The following RBFOX1 variants were observed in gnomAD, a reference collection of about 807,000 sequenced individuals.
The protein encoded by RBFOX1 is RNA binding protein fox-1 homolog 1.
RBFOX1 carries 8 observed loss-of-function variants against 57.7 expected under a neutral mutation model. The ratio of observed to expected loss-of-function variants is 0.14; its 90% CI spans 0.08 to 0.25. The LOEUF is 0.25. Among genes scored for constraint, RBFOX1 ranks in the 10% least tolerant of loss-of-function variants. The pLI is 1.00. For missense variants in RBFOX1, 611 were observed against 548.5 expected (o/e 1.11, Z -1.14); for synonymous variants, 326 against 222.4 (o/e 1.47, Z -4.15).
chr16:7,170,834 C>A (rs1350927369), intron 4 of RBFOX1, among the ~76,000 whole-genome samples: 2 of 152,164 alleles, frequency 1.3e-5, no homozygotes, highest in Admixed American at 6.5e-5. Context: ...TCCAGGAGAT[C>A]CCTTGCCCTT....
chr16:6,814,651 G>A (rs1467044847), intron 3 of RBFOX1, among the ~76,000 whole-genome samples: 1 of 152,178 alleles, frequency 6.6e-6, no homozygotes, highest in Non-Finnish European at 1.5e-5. Flanking sequence ...GGACAAAGAG[G>A]CTAAGGGGGA....
chr16:6,874,292 C>T (rs1012348247), intron 3 of RBFOX1, among the ~76,000 whole-genome samples: 1 of 151,868 alleles, frequency 6.6e-6, no homozygotes, highest in African/African-American at 2.4e-5. Context: ...GGTGGATAAT[C>T]TGAGGTCAGG....
chr16:6,755,682 A>G (rs1454009218), intron 3 of RBFOX1, among the ~76,000 whole-genome samples: 1 of 152,200 alleles, frequency 6.6e-6, no homozygotes, highest in Non-Finnish European at 1.5e-5. Context: ...TTTGCTATAA[A>G]TATAATACTA....
chr16:6,724,892 A>G (rs1471876504), intron 3 of RBFOX1, among the ~76,000 whole-genome samples: 2 of 152,074 alleles, frequency 1.3e-5, no homozygotes, highest in East Asian at 1.9e-4. Flanking sequence ...AAAGCCATAT[A>G]GGGTAACTTC....
chr16:6,143,910 A>T (rs928559611), intron 1 of RBFOX1, among the ~76,000 whole-genome samples: 1 of 151,386 alleles, frequency 6.6e-6, no homozygotes, highest in Non-Finnish European at 1.5e-5. Flanking sequence ...ATCTTCCCAC[A>T]TCAGTGTCCT....
At chr16:6,271,403 A>G (rs2075200760) in intron 1 of RBFOX1, among the ~76,000 whole-genome samples, 1 of 152,034 alleles carries the variant, frequency 6.6e-6, no homozygotes, top group Non-Finnish European at 1.5e-5. Flanking sequence ...AGCTGGAGCG[A>G]CAGAGCAAGA....
intron 1 of RBFOX1, among the ~76,000 whole-genome samples, chr16:6,174,308 G>C (rs868848605): frequency 1.3e-5 from 2 of 152,164 alleles, no homozygotes; most frequent in African/African-American, 4.8e-5. Context: ...GAATACAAAA[G>C]TTAGGGCCGG....
At chr16:6,992,181 T>TG (rs34598400) in intron 3 of RBFOX1, among the ~76,000 whole-genome samples, 4 of 151,718 alleles carry the variant, frequency 2.6e-5, no homozygotes, top group Non-Finnish European at 4.4e-5. Flanking sequence ...TTGTTTTTTT[T>TG]GAGATGGAGT....
At chr16:7,464,735 CG>C (rs2060195127) in intron 4 of RBFOX1, among the ~76,000 whole-genome samples, 1 of 135,438 alleles carries the variant, frequency 7.4e-6, no homozygotes, top group Admixed American at 7.9e-5. Flanking sequence ...CTTGCTCTGT[CG>C]CCCAGGCTGG....
intron 3 of RBFOX1, among the ~76,000 whole-genome samples, chr16:6,833,086 C>A (rs763554993): frequency 6.6e-6 from 1 of 151,972 alleles, no homozygotes. Flanking sequence ...TCTTTGAACT[C>A]ACTCCTCTTT....
chr16:6,777,461 A>G (rs2079570953), intron 3 of RBFOX1, among the ~76,000 whole-genome samples: 1 of 152,178 alleles, frequency 6.6e-6, no homozygotes, highest in African/African-American at 2.4e-5. Flanking sequence ...TTTCAGCTGC[A>G]TGTAAACTCA....
At chr16:7,008,092 C>T (rs182808718) in intron 3 of RBFOX1, among the ~76,000 whole-genome samples, 2 of 152,280 alleles carry the variant, frequency 1.3e-5, no homozygotes, top group East Asian at 3.9e-4. Flanking sequence ...ACAGCTACTC[C>T]TCTTGCCCTT....
At chr16:7,006,372 C>G (rs551082017) in intron 3 of RBFOX1, among the ~76,000 whole-genome samples, 1 of 152,030 alleles carries the variant, frequency 6.6e-6, no homozygotes, top group Admixed American at 6.5e-5. Context: ...CCAGGATGGT[C>G]TCGATTTTCT....
At chr16:7,358,698 G>A (rs1193986269) in intron 4 of RBFOX1, among the ~76,000 whole-genome samples, 1 of 152,214 alleles carries the variant, frequency 6.6e-6, no homozygotes, top group Non-Finnish European at 1.5e-5. Flanking sequence ...GGGATTACAA[G>A]CGTGAACCAC....
At chr16:5,305,213 G>A (rs1376469442) in intron 1 of RBFOX1, among the ~76,000 whole-genome samples, 4 of 152,146 alleles carry the variant, frequency 2.6e-5, no homozygotes, top group Non-Finnish European at 2.9e-5. Context: ...GTGAGGGACC[G>A]GTTTCACCTG....
chr16:7,348,213 C>T (rs1016571646), intron 4 of RBFOX1, among the ~76,000 whole-genome samples: 5 of 152,136 alleles, frequency 3.3e-5, no homozygotes, highest in Admixed American at 2.6e-4. Flanking sequence ...GATACATAAA[C>T]CACAATCCGC....
At chr16:6,329,272 A>C (rs1021431299) in intron 2 of RBFOX1, among the ~76,000 whole-genome samples, 1 of 152,220 alleles carries the variant, frequency 6.6e-6, no homozygotes, top group Non-Finnish European at 1.5e-5. Flanking sequence ...AGAAGTTTAC[A>C]AGCATCACCT....
chr16:5,791,544 C>T (rs4786778), intron 3 of RBFOX1, among the ~76,000 whole-genome samples: 1 of 151,904 alleles, frequency 6.6e-6, no homozygotes, highest in Non-Finnish European at 1.5e-5. Context: ...GACAGGCAGG[C>T]AGCACACAAA....
chr16:7,461,600 G>A (rs1772363147), intron 4 of RBFOX1, among the ~76,000 whole-genome samples: 1 of 152,104 alleles, frequency 6.6e-6, no homozygotes, highest in Admixed American at 6.5e-5. Flanking sequence ...AGTATTCCAG[G>A]TCATTTGTGT....
Sources: gnomAD v4.1 joint callset for allele counts (sites outside exome capture counted in the v4.1 genomes callset) on GRCh38, gnomAD v4.1.1 for gene constraint, MANE v1.5 for transcripts, NCBI Gene and HGNC (gene_info 2026-07-23, HGNC 2026-07-21) for gene names.